The following BBS9 variants were observed in gnomAD, a reference collection of about 807,000 sequenced individuals.
BBS9 encodes Bardet-Biedl syndrome 9.
A neutral mutation model predicts 117.7 loss-of-function variants in BBS9; 89 were observed. The observed-to-expected ratio is 0.76, with a 90% CI of 0.64 to 0.90. The LOEUF (loss-of-function observed/expected upper bound fraction) is 0.90. Among genes scored for constraint, BBS9 ranks in the 40% least tolerant of loss-of-function variants. The pLI, the probability that BBS9 is intolerant of heterozygous loss-of-function variation, is 0.00. For missense variants in BBS9, 982 were observed against 1,042.2 expected (o/e 0.94, Z 0.80); for synonymous variants, 379 against 370.9 (o/e 1.02, Z -0.25).
chr7:33,599,814 T>C (rs750151624), intron 21 of BBS9, among the ~76,000 whole-genome samples: 1 of 152,214 alleles, frequency 6.6e-6, no homozygotes, highest in Non-Finnish European at 1.5e-5. Flanking sequence ...TATTCCATTG[T>C]AGAAATGCAT....
intron 17 of BBS9, among the ~76,000 whole-genome samples, chr7:33,368,851 A>T (rs1563074852): frequency 6.6e-6 from 1 of 152,252 alleles, no homozygotes; most frequent in African/African-American, 2.4e-5. Flanking sequence ...AAATCATAAT[A>T]GTTTCTGGAA....
rs571213937 is a variant in BBS9, at chr7:33,578,751, G to A, written c.2522-26114G>A. On this transcript the variant is annotated intron_variant, in intron 21 of 22. Coordinates refer to ENST00000242067, the MANE Select transcript of BBS9 (RefSeq NM_198428.3). ...GGGAAGGACTCATCGTCACAGCTGT[G>A]TTCTGAGATGCCTGAGCTGTTAAAA... 2.6e-5 allele frequency among the ~76,000 whole-genome samples: 4 copies of A among 152,268 alleles called. No individual in the cohort carries two copies. The South Asian group carries it at 8.3e-4, about 32-fold the overall frequency.
chr7:33,214,238 C>T lies in BBS9; in HGVS notation c.442+36647C>T, dbSNP rs116524146. Among the ~76,000 whole-genome samples, 789 of 152,280 alleles carry T rather than the reference C, an allele frequency of 5.2e-3. 12 individuals are homozygous for T. The highest frequency in any genetic ancestry group is 0.018 in the African/African-American group (745 of 41,560). ...CTTGCATGAGTGCTGGCTTAGCCCACCATGGCTTTACTCTCTGTTATATCA... is the reference window on the plus strand; with the variant it reads ...CTTGCATGAGTGCTGGCTTAGCCCATCATGGCTTTACTCTCTGTTATATCA... On this transcript the variant is annotated intron_variant, in intron 5 of 22. Transcript: ENST00000242067.
chr7:33,158,924 TGACA>T (rs1794456528), intron 4 of BBS9, among the ~76,000 whole-genome samples: 1 of 151,940 alleles, frequency 6.6e-6, no homozygotes. Flanking sequence ...AAAAGGAAAG[TGACA>T]GACAGAAAAA....
rs576526276 is a variant in BBS9 at position 33,279,234 on chromosome 7, C to T, written c.1016+5278C>T. Among the ~76,000 whole-genome samples the T allele has an allele frequency of 2.0e-5, 3 of 152,194 alleles. No homozygotes were observed. In the East Asian group the frequency reaches 5.8e-4, roughly 29 times the overall value. ...ACAACTATAGGCATATGCCACCATT[C>T]CTGGCTAATTTTTTCATATTTTTTA... On this transcript the variant is annotated intron_variant, in intron 9 of 22. Coordinates refer to ENST00000242067, the MANE Select transcript of BBS9 (RefSeq NM_198428.3).
intron 19 of BBS9, among the ~76,000 whole-genome samples, chr7:33,412,259 G>C (rs991118140): frequency 1.3e-5 from 2 of 152,122 alleles, no homozygotes; most frequent in African/African-American, 2.4e-5. Flanking sequence ...TGGATTTTCA[G>C]TCTGTTTTTA....
At chr7:33,295,074 A>G (rs1042913578) in intron 9 of BBS9, among the ~76,000 whole-genome samples, 2 of 152,134 alleles carry the variant, frequency 1.3e-5, no homozygotes, top group African/African-American at 4.8e-5. Flanking sequence ...TTGAACATTT[A>G]AAATATGGTT....
intron 11 of BBS9, among the ~76,000 whole-genome samples, chr7:33,342,079 A>C (rs1816684979): frequency 1.3e-5 from 2 of 152,134 alleles, no homozygotes; most frequent in Non-Finnish European, 2.9e-5. Context: ...TTCATTATTT[A>C]GGTATCAGAA....
chr7:33,430,755 A>C (rs1211077721), intron 19 of BBS9, among the ~76,000 whole-genome samples: 1 of 152,240 alleles, frequency 6.6e-6, no homozygotes, highest in African/African-American at 2.4e-5. Context: ...TAAACATTTA[A>C]TAAATGAGTG....
At chr7:33,289,309 A>G (rs1043979225) in intron 9 of BBS9, among the ~76,000 whole-genome samples, 4 of 152,324 alleles carry the variant, frequency 2.6e-5, no homozygotes, top group African/African-American at 7.2e-5. Flanking sequence ...CTGAAAATCA[A>G]CTTGAGTCTT....
chr7:33,241,894 G>A lies in BBS9; in HGVS notation c.443-15342G>A, dbSNP rs1035433020. Among the ~76,000 whole-genome samples, 17 of 152,056 alleles carry A rather than the reference G, an allele frequency of 1.1e-4. No homozygotes were observed. The South Asian group carries it at 2.9e-3, about 26-fold the overall frequency. On this transcript the variant is annotated intron_variant, in intron 5 of 22. Coordinates refer to ENST00000242067, the MANE Select transcript of BBS9 (RefSeq NM_198428.3). ...ATATTTTCTGTCAATTTCAGTACAC[G>A]AAGTCTTTGCAGTTTTCATCTCATT...
chr7:33,551,168 G>T (rs2392247), intron 21 of BBS9, among the ~76,000 whole-genome samples: 2 of 151,900 alleles, frequency 1.3e-5, no homozygotes, highest in Non-Finnish European at 2.9e-5. Context: ...AGTGACTGCA[G>T]TTGTAAAATA....
chr7:33,581,123 A>G (rs2129159346), intron 21 of BBS9, among the ~76,000 whole-genome samples: 1 of 151,850 alleles, frequency 6.6e-6, no homozygotes, highest in East Asian at 1.9e-4. Context: ...AGAGGAAGAG[A>G]GTGAGAAGAA....
At chr7:33,188,059 C>T (rs1376720665) in intron 5 of BBS9, among the ~76,000 whole-genome samples, 2 of 135,704 alleles carry the variant, frequency 1.5e-5, no homozygotes, top group Non-Finnish European at 3.2e-5. Flanking sequence ...AGGATTAGAG[C>T]AGCTCCCTGT....
intron 5 of BBS9, among the ~76,000 whole-genome samples, chr7:33,195,950 A>C (rs1380056981): frequency 1.3e-5 from 2 of 152,208 alleles, no homozygotes; most frequent in East Asian, 3.8e-4. Context: ...AATACTGTAT[A>C]TAAAAGGTTC....
At chr7:33,140,498 C>T (rs1323942167) in intron 1 of BBS9, among the ~76,000 whole-genome samples, 1 of 152,108 alleles carries the variant, frequency 6.6e-6, no homozygotes, top group Non-Finnish European at 1.5e-5. Flanking sequence ...TGTGAGTCCT[C>T]CTAGGGAATC....
intron 1 of BBS9, among the ~76,000 whole-genome samples, chr7:33,141,466 A>G (rs568984744): frequency 5.4e-4 from 82 of 152,268 alleles, no homozygotes; most frequent in African/African-American, 1.9e-3. Context: ...CCTGGGCTCA[A>G]TTGATCCTCT....
At chr7:33,432,071 T>C (rs1000944228) in intron 19 of BBS9, among the ~76,000 whole-genome samples, 3 of 151,934 alleles carry the variant, frequency 2.0e-5, no homozygotes, top group African/African-American at 7.3e-5. Flanking sequence ...TGCCAGGATT[T>C]TTTTTCTTTC....
chr7:33,393,758 G>A (rs746821409), intron 19 of BBS9, among the ~76,000 whole-genome samples: 8 of 152,118 alleles, frequency 5.3e-5, no homozygotes, highest in Non-Finnish European at 1.0e-4. Context: ...ATCCACGAAG[G>A]GTTATCTCAT....
Sources: gnomAD v4.1 joint callset for allele counts (sites outside exome capture counted in the v4.1 genomes callset) on GRCh38, gnomAD v4.1.1 for gene constraint, MANE v1.5 for transcripts, NCBI Gene and HGNC (gene_info 2026-07-23, HGNC 2026-07-21) for gene names.